TGFBR3: variants seen among roughly 807,000 people sequenced by gnomAD.
TGFBR3 encodes transforming growth factor beta receptor 3.
In TGFBR3, 46 loss-of-function variants were observed where a neutral mutation model predicts 87.9. That is an observed-to-expected ratio of 0.52 (90% confidence interval 0.41 to 0.67). The LOEUF (loss-of-function observed/expected upper bound fraction) is 0.67. TGFBR3 is among the 30% of genes least tolerant of loss of function. The pLI is 0.00. For synonymous variants in TGFBR3, 381 were observed against 391.6 expected (o/e 0.97, Z 0.32); for missense variants, 866 against 1,041.9 (o/e 0.83, Z 2.32).
intron 2 of TGFBR3, among the ~76,000 whole-genome samples, chr1:91,854,686 A>C (rs1191839827): frequency 6.6e-6 from 1 of 152,230 alleles, no homozygotes; most frequent in African/African-American, 2.4e-5. Context: ...GTAGACATGT[A>C]TAAAAACATC....
intron 2 of TGFBR3, among the ~76,000 whole-genome samples, chr1:91,817,755 C>T (rs1013988594): frequency 6.6e-6 from 1 of 151,984 alleles, no homozygotes; most frequent in African/African-American, 2.4e-5. Flanking sequence ...AGAAAGGAAG[C>T]CTGTGCTTTC....
intron 2 of TGFBR3, among the ~76,000 whole-genome samples, chr1:91,898,599 G>A (rs1333480510): frequency 2.0e-5 from 3 of 152,138 alleles, no homozygotes; most frequent in East Asian, 3.9e-4. Context: ...ACCACGCCCA[G>A]CTAATTTTTT....
chr1:91,806,810 C>T (rs1220597487), intron 2 of TGFBR3, among the ~76,000 whole-genome samples: 1 of 152,174 alleles, frequency 6.6e-6, no homozygotes, highest in Non-Finnish European at 1.5e-5. Flanking sequence ...GAAATGCTGT[C>T]AGCTGCAAAG....
At chr1:91,779,915 G>A (rs1477690133) in intron 3 of TGFBR3, among the ~76,000 whole-genome samples, 3 of 152,116 alleles carry the variant, frequency 2.0e-5, no homozygotes, top group Non-Finnish European at 4.4e-5. Flanking sequence ...AGAGGCTCCA[G>A]GAGAGAACCT....
At chr1:91,848,869 A>C (rs1436901246) in intron 2 of TGFBR3, among the ~76,000 whole-genome samples, 1 of 152,208 alleles carries the variant, frequency 6.6e-6, no homozygotes, top group Non-Finnish European at 1.5e-5. Context: ...AAGGACATTC[A>C]TTCACAACAC....
chr1:91,842,728 T>G (rs116447833), intron 2 of TGFBR3, among the ~76,000 whole-genome samples: 1 of 152,340 alleles, frequency 6.6e-6, no homozygotes, highest in African/African-American at 2.4e-5. Context: ...TAAATAAAGA[T>G]TAACTTTTTG....
At chr1:91,878,294 A>C (rs12030950) in intron 1 of TGFBR3, among the ~76,000 whole-genome samples, 87 of 151,974 alleles carry the variant, frequency 5.7e-4, no homozygotes, top group Non-Finnish European at 9.1e-4. Flanking sequence ...AAAAAAAAAA[A>C]ACACACATTC....
intron 2 of TGFBR3, among the ~76,000 whole-genome samples, chr1:91,806,474 G>GC (rs1557720860): frequency 1.3e-5 from 2 of 148,380 alleles, no homozygotes; most frequent in African/African-American, 2.5e-5. Flanking sequence ...AAAAATACTG[G>GC]CGGGGGGGGT....
intron 3 of TGFBR3, among the ~76,000 whole-genome samples, chr1:91,765,911 A>G (rs901587228): frequency 6.6e-6 from 1 of 152,184 alleles, no homozygotes; most frequent in Non-Finnish European, 1.5e-5. Context: ...TGCTTTTTAT[A>G]TATATATATT....
At chr1:91,683,944 C>T in intron 16 of TGFBR3, 87 bp from the exon 17 acceptor site, 1 of 1,265,986 alleles carries the variant, frequency 7.9e-7, no homozygotes, top group East Asian at 2.5e-5. Context: ...TCCGCATTTG[C>T]CATTTTAACT....
intron 4 of TGFBR3, 31 bp downstream of exon 4, chr1:91,758,581 AG>A (rs775559890): frequency 5.6e-6 from 9 of 1,613,512 alleles, no homozygotes; most frequent in Non-Finnish European, 7.6e-6. Context: ...CCTTGTGCTA[AG>A]GATCAGTTTG....
At chr1:91,720,356 G>A in intron 8 of TGFBR3, 126 bp from the exon 9 acceptor site, 2 of 912,610 alleles carry the variant, frequency 2.2e-6, no homozygotes, top group Non-Finnish European at 3.4e-6. Flanking sequence ...AATAAGCAGT[G>A]CATAAAGGTC....
chr1:91,827,895 C>T (rs1405346670), intron 2 of TGFBR3, among the ~76,000 whole-genome samples: 1 of 152,212 alleles, frequency 6.6e-6, no homozygotes, highest in East Asian at 1.9e-4. Flanking sequence ...CTCTGACCCC[C>T]ATCCAGAATA....
At chr1:91,790,311 G>A (rs1391786589) in intron 3 of TGFBR3, among the ~76,000 whole-genome samples, 3 of 152,166 alleles carry the variant, frequency 2.0e-5, no homozygotes, top group Non-Finnish European at 4.4e-5. Context: ...GTGCACATTT[G>A]TAGCCTAGTA....
At chr1:91,861,284 C>T (rs1370501361) in intron 2 of TGFBR3, among the ~76,000 whole-genome samples, 187 bp downstream of exon 2, 2 of 151,986 alleles carry the variant, frequency 1.3e-5, no homozygotes, top group Non-Finnish European at 2.9e-5. Flanking sequence ...CCTGTAGTCC[C>T]AACTAGTTAG....
intron 2 of TGFBR3, among the ~76,000 whole-genome samples, chr1:91,811,256 G>A (rs1459826864): frequency 6.6e-6 from 1 of 152,176 alleles, no homozygotes; most frequent in Non-Finnish European, 1.5e-5. Context: ...AGACTGCAAT[G>A]AGCCAAGATA....
chr1:91,765,052 AT>A (rs1194211985), intron 3 of TGFBR3, among the ~76,000 whole-genome samples: 4 of 151,260 alleles, frequency 2.6e-5, no homozygotes, highest in Middle Eastern at 3.2e-3. Flanking sequence ...TTCTTTTGCA[AT>A]TTTTTTTTCT....
chr1:91,803,055 C>T (rs1435449250), intron 2 of TGFBR3, among the ~76,000 whole-genome samples: 1 of 152,194 alleles, frequency 6.6e-6, no homozygotes, highest in Non-Finnish European at 1.5e-5. Flanking sequence ...AAGTCTGATC[C>T]TGCTTTTCTC....
At chr1:91,842,525 A>T (rs1418066473) in intron 2 of TGFBR3, among the ~76,000 whole-genome samples, 19 of 152,198 alleles carry the variant, frequency 1.2e-4, no homozygotes, top group Admixed American at 1.2e-3. Context: ...AAAGAAAACA[A>T]GGTCTTTTCC....
Sources: allele counts gnomAD v4.1 joint callset (sites outside exome capture counted in the v4.1 genomes callset), GRCh38; gene constraint gnomAD v4.1.1; transcripts MANE v1.5; gene names NCBI Gene and HGNC (gene_info 2026-07-23, HGNC 2026-07-21).